SH3KBP1: variants seen among roughly 807,000 people sequenced by gnomAD.
SH3KBP1 encodes the protein SH3 domain containing kinase binding protein 1, also known as SH3 domain-containing kinase-binding protein 1.
SH3KBP1 carries 8 observed loss-of-function variants against 50.1 expected under a neutral mutation model. The observed-to-expected ratio is 0.16, with a 90% CI of 0.09 to 0.29. The LOEUF is 0.29. Among genes scored for constraint, SH3KBP1 ranks in the 10% least tolerant of loss-of-function variants. The pLI is 1.00. For missense variants in SH3KBP1, 377 were observed against 535.2 expected (o/e 0.70, Z 2.92); for synonymous variants, 227 against 218.6 (o/e 1.04, Z -0.34).
At chrX:19,706,717 C>T (rs959134428) in intron 4 of SH3KBP1, among the ~76,000 whole-genome samples, 164 bp downstream of exon 4, 2 of 111,050 alleles carry the variant, frequency 1.8e-5, no homozygotes, top group African/African-American at 6.6e-5. Context: ...TGGGGGCATT[C>T]CTCTGGGGAA....
chrX:19,634,549 C>A (rs187542363), intron 7 of SH3KBP1, among the ~76,000 whole-genome samples: 146 of 111,293 alleles, frequency 1.3e-3, no homozygotes, highest in Non-Finnish European at 1.3e-3. Flanking sequence ...TTGCACCCCC[C>A]AAAACCGGAC....
intron 2 of SH3KBP1, among the ~76,000 whole-genome samples, chrX:19,834,324 C>G (rs2067998184): frequency 8.9e-6 from 1 of 111,889 alleles, no homozygotes; most frequent in Non-Finnish European, 1.9e-5. Flanking sequence ...CTACCTGCCT[C>G]CCTGTATCCA....
chrX:19,660,036 C>T (rs1223447491), intron 6 of SH3KBP1, among the ~76,000 whole-genome samples: 1 of 112,571 alleles, frequency 8.9e-6, no homozygotes, highest in Non-Finnish European at 1.9e-5. Context: ...ATTTATGGAG[C>T]AAGGCCTGAG....
At chrX:19,623,260 G>A (rs1024542735) in intron 8 of SH3KBP1, among the ~76,000 whole-genome samples, 8 of 111,491 alleles carry the variant, frequency 7.2e-5, no homozygotes, top group African/African-American at 2.3e-4. Context: ...GAATAATTGC[G>A]AAAATATTAA....
At chrX:19,804,890 C>CT (rs2066996121) in intron 2 of SH3KBP1, among the ~76,000 whole-genome samples, 1 of 82,982 alleles carries the variant, frequency 1.2e-5, no homozygotes, top group Non-Finnish European at 2.4e-5. Flanking sequence ...CTACCCCCCC[C>CT]CCCCCACCCG....
intron 2 of SH3KBP1, among the ~76,000 whole-genome samples, chrX:19,835,859 A>G (rs2068045215): frequency 9.0e-6 from 1 of 110,946 alleles, no homozygotes; most frequent in Non-Finnish European, 1.9e-5. Context: ...GCTGGGATTT[A>G]CAGGCATGAG....
intron 2 of SH3KBP1, among the ~76,000 whole-genome samples, chrX:19,786,075 T>C (rs1321373738): frequency 8.9e-6 from 1 of 112,241 alleles, no homozygotes; most frequent in Non-Finnish European, 1.9e-5. Flanking sequence ...ACATTTTATG[T>C]TACCTGTATT....
At position 19,592,128 on chromosome X, in the gene SH3KBP1, A is replaced by G. The variant is rs757455641; in HGVS notation, c.1077T>C (p.His359=). The G allele has an allele frequency of 5.8e-6, 7 of 1,200,792 alleles. No homozygotes were observed. In the East Asian group the frequency reaches 2.1e-4, roughly 36 times the overall value. Residue 359 remains histidine (H), a synonymous_variant, in exon 11 of 18, where the codon CAT becomes CAC. Coordinates refer to ENST00000397821, the MANE Select transcript of SH3KBP1 (RefSeq NM_031892.3). ...TTTCAGGAGGTATCTTTTTAATTTC[A>G]TGTTTTCTCTCAGTGGTGCCTAGGA... ...KQGAGTTERK[H]EIKKIPPERP...
intron 3 of SH3KBP1, among the ~76,000 whole-genome samples, chrX:19,708,089 CT>C (rs2063692408): frequency 8.9e-6 from 1 of 112,989 alleles, no homozygotes; most frequent in South Asian, 3.6e-4. Flanking sequence ...CTTCTCTAAT[CT>C]TTTCTCTGAG....
At chrX:19,548,690 T>C (rs767313908) in intron 14 of SH3KBP1, among the ~76,000 whole-genome samples, 1 of 111,261 alleles carries the variant, frequency 9.0e-6, no homozygotes, top group South Asian at 3.8e-4. Context: ...GATGACACCT[T>C]AGGTGGGATC....
intron 1 of SH3KBP1, among the ~76,000 whole-genome samples, chrX:19,846,382 C>T (rs2068370364): frequency 8.9e-6 from 1 of 112,433 alleles, no homozygotes; most frequent in African/African-American, 3.2e-5. Context: ...TCTGTTTAGT[C>T]AAAAAAGTTT....
At chrX:19,744,486 T>G (rs1406770653) in intron 3 of SH3KBP1, among the ~76,000 whole-genome samples, 1 of 111,720 alleles carries the variant, frequency 9.0e-6, no homozygotes, top group Non-Finnish European at 1.9e-5. Context: ...AAATTTATGT[T>G]ACGCCCAGGT....
Position 19,799,858 on chromosome X carries a change from G to T in SH3KBP1, c.162+36267C>A. ...CTCCCACTACACACTCACACTGGTG[G>T]TTTTTTTGTAATTCTTTGCACTTAT... On this transcript the variant is annotated intron_variant, in intron 2 of 17. Transcript: ENST00000397821. 5.0e-6 allele frequency: 5 copies of T among 992,923 alleles called. No homozygotes were observed. In the South Asian group the frequency reaches 1.2e-4, roughly 24 times the overall value. The allele number at this position is 992,923 out of a possible 1,213,427, so 81.8% of individuals were successfully genotyped here.
chrX:19,576,897 C>T (rs968849443), intron 12 of SH3KBP1, among the ~76,000 whole-genome samples: 1 of 111,469 alleles, frequency 9.0e-6, no homozygotes, highest in Non-Finnish European at 1.9e-5. Context: ...TCAGCCAAGG[C>T]ACTCCCTCCC....
chrX:19,605,562 G>A (rs770863257), intron 9 of SH3KBP1, among the ~76,000 whole-genome samples: 2 of 111,358 alleles, frequency 1.8e-5, no homozygotes, highest in East Asian at 2.8e-4. Context: ...GGGGAGAAGC[G>A]GGGTATGGGC....
intron 1 of SH3KBP1, among the ~76,000 whole-genome samples, chrX:19,853,632 C>T (rs1032667676): frequency 9.0e-6 from 1 of 111,297 alleles, no homozygotes; most frequent in Non-Finnish European, 1.9e-5. Flanking sequence ...TCCCTTCCCC[C>T]TGGCACATCT....
chrX:19,874,048 C>CAAAAAAAAAAAAA (rs55948760), intron 1 of SH3KBP1, among the ~76,000 whole-genome samples: 1 of 26,288 alleles, frequency 3.8e-5, no homozygotes, highest in African/African-American at 2.5e-4. Flanking sequence ...GAGTCCATCT[C>CAAAAAAAAAAAAA]AAAAAAAAAA....
At chrX:19,804,533 T>C (rs991498036) in intron 2 of SH3KBP1, among the ~76,000 whole-genome samples, 1 of 111,509 alleles carries the variant, frequency 9.0e-6, no homozygotes, top group African/African-American at 3.3e-5. Context: ...AGCTTAACTT[T>C]AAACATCTCA....
intron 2 of SH3KBP1, among the ~76,000 whole-genome samples, chrX:19,774,913 C>T (rs1358006202): frequency 1.8e-5 from 2 of 110,986 alleles, no homozygotes; most frequent in Non-Finnish European, 1.9e-5. Context: ...CAAAGCTAGA[C>T]CCCCACACCT....
Sources: gnomAD v4.1 joint callset for allele counts (sites outside exome capture counted in the v4.1 genomes callset) on GRCh38, gnomAD v4.1.1 for gene constraint, MANE v1.5 for transcripts, NCBI Gene and HGNC (gene_info 2026-07-23, HGNC 2026-07-21) for gene names.